MPDZ: variants seen among roughly 807,000 people sequenced by gnomAD.
The protein encoded by MPDZ is multiple PDZ domain crumbs cell polarity complex component.
Under a neutral mutation model 239.1 loss-of-function variants are expected in MPDZ, and 234 were observed. The observed-to-expected ratio is 0.98, with a 90% CI of 0.88 to 1.09. The LOEUF (loss-of-function observed/expected upper bound fraction) is 1.09, where lower values mean the gene tolerates loss of function less well. MPDZ is among the 50% of genes least tolerant of loss of function. MPDZ has a pLI of 0.00. For missense variants in MPDZ, 3,175 were observed against 2,510.0 expected (o/e 1.26, Z -5.66); for synonymous variants, 1,048 against 881.3 (o/e 1.19, Z -3.35).
At chr9:13,156,498 T>G (rs868519186) in intron 24 of MPDZ, among the ~76,000 whole-genome samples, 1 of 152,166 alleles carries the variant, frequency 6.6e-6, no homozygotes, top group Non-Finnish European at 1.5e-5. Flanking sequence ...AAAGAGCTTG[T>G]GCAGGGCAAC....
In MPDZ at chr9:13,169,189, A is replaced by C. The variant is rs1186440284; in HGVS notation, c.3056-625T>G. On this transcript the variant is annotated intron_variant, in intron 21 of 46. Transcript: ENST00000319217. ...TGTTGAAATGAATTTATATGAACTT[A>C]ATCTATTTCCATTTTATCTCTGAAC... is the stretch of plus-strand genomic sequence containing the variant. Among the ~76,000 whole-genome samples, 9 of 152,128 alleles carry C rather than the reference A, an allele frequency of 5.9e-5. No individual in the cohort carries two copies. The East Asian group carries it at 1.7e-3, about 29-fold the overall frequency.
chr9:13,264,635 C>A (rs945186780), intron 1 of MPDZ, among the ~76,000 whole-genome samples: 4 of 150,864 alleles, frequency 2.7e-5, no homozygotes, highest in African/African-American at 9.8e-5. Flanking sequence ...TTTCCTTCCC[C>A]ATTAACCCTC....
intron 11 of MPDZ, 83 bp from the exon 12 acceptor site, chr9:13,205,190 A>G: frequency 1.5e-6 from 1 of 674,528 alleles, no homozygotes; most frequent in Non-Finnish European, 2.3e-6. Context: ...TATTTATTTG[A>G]ACTCCTACAT....
chr9:13,108,403 C>A (rs1941845831), intron 46 of MPDZ, among the ~76,000 whole-genome samples: 1 of 151,970 alleles, frequency 6.6e-6, no homozygotes, highest in Admixed American at 6.6e-5. Context: ...GATTGCAAAT[C>A]GCTGACTTAT....
chr9:13,123,387 TG>T, intron 35 of MPDZ, 89 bp from the exon 36 acceptor site: 1 of 1,166,176 alleles, frequency 8.6e-7, no homozygotes, highest in Non-Finnish European at 1.2e-6. Flanking sequence ...CTCTGAGGGA[TG>T]GGGCAGAGAA....
At position 13,247,484 on chromosome 9, in the gene MPDZ, C is replaced by T. The variant is rs1564123900; in HGVS notation, c.183+151G>A. The T allele has an allele frequency of 5.2e-6, 4 of 762,686 alleles. No individual in the cohort carries two copies. In the East Asian group the frequency reaches 1.1e-4, roughly 21 times the overall value. The allele number at this position is 762,686 out of a possible 1,614,324, so 47.2% of individuals were successfully genotyped here. On this transcript the variant is annotated intron_variant, in intron 3 of 46. Transcript: ENST00000319217. ...CAAAAATAACTAGGAGGAAAAAAGC[C>T]ACAGTGAATCTGAATGTCTCATTTG...
At chr9:13,177,663 G>A (rs1952679770) in intron 19 of MPDZ, among the ~76,000 whole-genome samples, 1 of 152,174 alleles carries the variant, frequency 6.6e-6, no homozygotes, top group Admixed American at 6.5e-5. Flanking sequence ...AGACAGTGGT[G>A]TGTAGACTGT....
intron 15 of MPDZ, among the ~76,000 whole-genome samples, chr9:13,191,650 T>G (rs1039389428): frequency 2.4e-4 from 37 of 152,146 alleles, no homozygotes; most frequent in African/African-American, 8.0e-4. Context: ...AGCCATTCAC[T>G]AAGTGGTAAC....
chr9:13,275,864 T>A (rs1974067676), intron 1 of MPDZ, among the ~76,000 whole-genome samples: 1 of 152,076 alleles, frequency 6.6e-6, no homozygotes, highest in Non-Finnish European at 1.5e-5. Context: ...CCCACTCACA[T>A]CCCAGCCTCT....
chr9:13,132,698 T>C (rs566085671), intron 32 of MPDZ, among the ~76,000 whole-genome samples: 3 of 152,298 alleles, frequency 2.0e-5, no homozygotes, highest in African/African-American at 4.8e-5. Context: ...TCACAATATA[T>C]ACTTAATTCT....
intron 21 of MPDZ, among the ~76,000 whole-genome samples, chr9:13,169,159 C>T (rs190498217): frequency 9.0e-4 from 137 of 152,228 alleles, no homozygotes; most frequent in African/African-American, 3.1e-3. Flanking sequence ...GAAAGTATAA[C>T]AGTTTGTTGA....
chr9:13,167,721 TTTATGTTGGCTCAA>T (rs1168944471), intron 22 of MPDZ, among the ~76,000 whole-genome samples: 1 of 152,138 alleles, frequency 6.6e-6, no homozygotes, highest in Non-Finnish European at 1.5e-5. Context: ...TGAGCTGATT[TTTATGTTGGCTCAA>T]GGAATGGTTA....
chr9:13,242,428 C>G (rs150229806), intron 3 of MPDZ, among the ~76,000 whole-genome samples: 1 of 151,708 alleles, frequency 6.6e-6, no homozygotes, highest in Non-Finnish European at 1.5e-5. Context: ...GGGGTTTCAC[C>G]ACGTTGACCA....
intron 1 of MPDZ, among the ~76,000 whole-genome samples, chr9:13,258,477 C>T (rs1379330719): frequency 6.6e-6 from 1 of 152,158 alleles, no homozygotes; most frequent in East Asian, 1.9e-4. Context: ...TTCATAGTTG[C>T]CTCAGCAGTA....
chr9:13,219,146 A>C (rs958849222), intron 8 of MPDZ, among the ~76,000 whole-genome samples: 1 of 151,928 alleles, frequency 6.6e-6, no homozygotes, highest in East Asian at 1.9e-4. Flanking sequence ...ATTCAAAACA[A>C]AAACAAAAAT....
At chr9:13,224,740 C>A (rs1200696711) in intron 3 of MPDZ, among the ~76,000 whole-genome samples, 157 bp from the exon 4 acceptor site, 1 of 152,024 alleles carries the variant, frequency 6.6e-6, no homozygotes, top group Non-Finnish European at 1.5e-5. Flanking sequence ...CAAGGATGAA[C>A]ATTAGGATAA....
intron 10 of MPDZ, 41 bp from the exon 11 acceptor site, chr9:13,206,140 A>T: frequency 6.5e-7 from 1 of 1,528,642 alleles, no homozygotes; most frequent in East Asian, 2.3e-5. Flanking sequence ...CATGTTAAAT[A>T]AATGGATATT....
chr9:13,224,806 G>A (rs1392050283), intron 3 of MPDZ, among the ~76,000 whole-genome samples: 2 of 152,048 alleles, frequency 1.3e-5, no homozygotes, highest in East Asian at 1.9e-4. Flanking sequence ...TTTATTAGAT[G>A]GGAAAATTCA....
At position 13,157,774 on chromosome 9, in the gene MPDZ, T is replaced by A. The variant is rs558270028; in HGVS notation, c.3452+244A>T. 1.1e-3 allele frequency among the ~76,000 whole-genome samples: 163 copies of A among 152,280 alleles called. 1 individual carries two copies. The highest frequency in any genetic ancestry group is 3.4e-3 in the African/African-American group (140 of 41,580). On this transcript the variant is annotated intron_variant, in intron 24 of 46. Coordinates refer to ENST00000319217, the MANE Select transcript of MPDZ (RefSeq NM_001378778.1). ...ACGTATTATCCATTCCAACTACCTA[T>A]GAATAATTTTCTTTAATTTAGTCCC...
Sources: gnomAD v4.1 joint callset for allele counts (sites outside exome capture counted in the v4.1 genomes callset) on GRCh38, gnomAD v4.1.1 for gene constraint, MANE v1.5 for transcripts, NCBI Gene and HGNC (gene_info 2026-07-23, HGNC 2026-07-21) for gene names.